The following MACROD2 variants were observed in gnomAD, a reference collection of about 807,000 sequenced individuals.
MACROD2 encodes ADP-ribose glycohydrolase MACROD2.
MACROD2 carries 36 observed loss-of-function variants against 70.4 expected under a neutral mutation model. The ratio of observed to expected loss-of-function variants is 0.51; its 90% CI spans 0.39 to 0.68. The LOEUF (loss-of-function observed/expected upper bound fraction) is 0.68, where lower values mean the gene tolerates loss of function less well. MACROD2 is among the 30% of genes least tolerant of loss of function. The pLI is 0.00. For synonymous variants in MACROD2, 172 were observed against 178.8 expected (o/e 0.96, Z 0.30); for missense variants, 496 against 538.4 (o/e 0.92, Z 0.78).
At chr20:15,401,876 G>A (rs1269347258) in intron 6 of MACROD2, among the ~76,000 whole-genome samples, 1 of 152,174 alleles carries the variant, frequency 6.6e-6, no homozygotes, top group Non-Finnish European at 1.5e-5. Flanking sequence ...TAGTTGAGAT[G>A]CAGATCAACA....
rs191752464 is a variant in MACROD2, at chr20:14,507,749, A to G, written c.301+14241A>G. On this transcript the variant is annotated intron_variant, in intron 4 of 17. Transcript: ENST00000684519. The stretch of plus-strand genomic sequence containing the variant: ...AGATTCTCCACTCCCCACTATGTTG[A>G]TGGCCATAAGGATGGTGGCCCATGT... Among the ~76,000 whole-genome samples the G allele has an allele frequency of 6.1e-3, 930 of 152,328 alleles. 6 individuals are homozygous for G. Among genetic ancestry groups the G allele is most frequent in the African/African-American group, 0.014 (577 of 41,570 alleles).
At chr20:15,397,362 C>T (rs1294796207) in intron 6 of MACROD2, among the ~76,000 whole-genome samples, 1 of 152,010 alleles carries the variant, frequency 6.6e-6, no homozygotes, top group Non-Finnish European at 1.5e-5. Flanking sequence ...GTGGCATGAT[C>T]ACAGCTCACT....
intron 8 of MACROD2, among the ~76,000 whole-genome samples, chr20:15,740,932 C>T (rs745594043): frequency 1.0e-3 from 155 of 152,128 alleles, no homozygotes; most frequent in Middle Eastern, 3.4e-3. Context: ...CATCTCTTTC[C>T]TCCCAGTCTC....
chr20:15,384,317 GT>G (rs2045683456), intron 6 of MACROD2, among the ~76,000 whole-genome samples: 1 of 152,048 alleles, frequency 6.6e-6, no homozygotes. Flanking sequence ...GAGTGCAGTG[GT>G]GCAATCTTGG....
chr20:14,094,973 C>T (rs2054202419), intron 3 of MACROD2, among the ~76,000 whole-genome samples: 2 of 152,160 alleles, frequency 1.3e-5, no homozygotes, highest in African/African-American at 4.8e-5. Context: ...GCACAAGCTG[C>T]TGCCTCTACC....
chr20:15,188,835 C>T (rs528881943), intron 5 of MACROD2, among the ~76,000 whole-genome samples: 1 of 152,248 alleles, frequency 6.6e-6, no homozygotes, highest in African/African-American at 2.4e-5. Context: ...TAAGAACTTA[C>T]TCTTGCTCTT....
intron 5 of MACROD2, among the ~76,000 whole-genome samples, chr20:15,053,603 A>G (rs1337956758): frequency 1.3e-5 from 2 of 152,224 alleles, no homozygotes; most frequent in Non-Finnish European, 2.9e-5. Context: ...ATTATCGCTT[A>G]TTAACAATGC....
chr20:15,099,519 C>T (rs1037978482), intron 5 of MACROD2, among the ~76,000 whole-genome samples: 2 of 152,196 alleles, frequency 1.3e-5, no homozygotes, highest in Non-Finnish European at 2.9e-5. Context: ...TTGGATCCCT[C>T]AGCCTCCAGG....
chr20:14,294,501 T>C (rs974978056), intron 3 of MACROD2, among the ~76,000 whole-genome samples: 4 of 151,672 alleles, frequency 2.6e-5, no homozygotes, highest in Admixed American at 2.0e-4. Flanking sequence ...ATGGATTATT[T>C]TGTGTGTTAG....
chr20:15,374,750 A>G (rs1177398033), intron 6 of MACROD2, among the ~76,000 whole-genome samples: 2 of 152,242 alleles, frequency 1.3e-5, no homozygotes, highest in African/African-American at 4.8e-5. Context: ...ATGTACGTAC[A>G]TCATTGCATT....
At chr20:14,817,793 ACTCTTCAGTC>A (rs1305940058) in intron 5 of MACROD2, among the ~76,000 whole-genome samples, 1 of 152,048 alleles carries the variant, frequency 6.6e-6, no homozygotes, top group East Asian at 1.9e-4. Flanking sequence ...TTATGCACCA[ACTCTTCAGTC>A]ACTGGCTGAG....
chr20:14,247,805 C>G (rs538171982), intron 3 of MACROD2, among the ~76,000 whole-genome samples: 43 of 152,296 alleles, frequency 2.8e-4, no homozygotes, highest in South Asian at 1.4e-3. Flanking sequence ...CAAAAAAATT[C>G]ATGAGGCAGA....
intron 7 of MACROD2, among the ~76,000 whole-genome samples, chr20:15,441,913 A>T (rs2046499281): frequency 6.6e-6 from 1 of 152,220 alleles, no homozygotes; most frequent in Admixed American, 6.5e-5. Context: ...TCCATTGAGC[A>T]GTAACTCTGG....
chr20:15,348,928 A>C (rs555399573), intron 6 of MACROD2, among the ~76,000 whole-genome samples: 35 of 152,294 alleles, frequency 2.3e-4, no homozygotes, highest in African/African-American at 8.2e-4. Flanking sequence ...GTCACAGCCC[A>C]TTGTGTCAGT....
intron 8 of MACROD2, among the ~76,000 whole-genome samples, chr20:15,713,989 A>ACG (rs1555868670): frequency 2.0e-5 from 2 of 99,020 alleles, no homozygotes; most frequent in African/African-American, 7.8e-5. Context: ...ACACATATGC[A>ACG]CACACACACA....
chr20:15,672,348 TAC>T (rs3071295), intron 8 of MACROD2, among the ~76,000 whole-genome samples: 12,749 of 141,730 alleles, frequency 0.09, 1,016 homozygotes, highest in African/African-American at 0.22. Flanking sequence ...TGTTCTATTT[TAC>T]ACACACACAC....
At chr20:15,542,113 A>C (rs1430867468) in intron 8 of MACROD2, among the ~76,000 whole-genome samples, 1 of 152,140 alleles carries the variant, frequency 6.6e-6, no homozygotes, top group Non-Finnish European at 1.5e-5. Flanking sequence ...GGGTTATACA[A>C]AAAAAAGTAT....
chr20:15,803,655 A>G (rs939745405), intron 8 of MACROD2, among the ~76,000 whole-genome samples: 1 of 152,116 alleles, frequency 6.6e-6, no homozygotes, highest in African/African-American at 2.4e-5. Context: ...CTACTGTTCT[A>G]TCTTCCTTCT....
chr20:15,169,395 A>G (rs2076407604), intron 5 of MACROD2, among the ~76,000 whole-genome samples: 1 of 152,058 alleles, frequency 6.6e-6, no homozygotes, highest in African/African-American at 2.4e-5. Flanking sequence ...TAAGCTGGAG[A>G]TTTTCAGTTT....
Sources: allele counts gnomAD v4.1 joint callset (sites outside exome capture counted in the v4.1 genomes callset), GRCh38; gene constraint gnomAD v4.1.1; transcripts MANE v1.5; gene names NCBI Gene and HGNC (gene_info 2026-07-23, HGNC 2026-07-21).